Variants in DDX60L observed in about 807,000 individuals in gnomAD.
DDX60L encodes the protein DExD/H-box 60 like, also known as probable ATP-dependent RNA helicase DDX60-like.
In DDX60L, 191 loss-of-function variants were observed where a neutral mutation model predicts 211.6. The observed-to-expected ratio is 0.90, with a 90% CI of 0.80 to 1.02. The LOEUF is 1.02. Among genes scored for constraint, DDX60L ranks in the 50% least tolerant of loss-of-function variants. DDX60L has a pLI of 0.00. For missense variants in DDX60L, 2,007 were observed against 1,984.1 expected (o/e 1.01, Z -0.22); for synonymous variants, 706 against 694.1 (o/e 1.02, Z -0.27).
chr4:168,448,520 T>C (rs139529714), intron 9 of DDX60L, 118 bp downstream of exon 9: 7,526 of 682,376 alleles, frequency 0.011, 58 homozygotes, highest in Non-Finnish European at 0.015. Flanking sequence ...GTAAAAAGTA[T>C]GTACACACAC....
intron 4 of DDX60L, among the ~76,000 whole-genome samples, chr4:168,462,860 T>TA (rs1265267540): frequency 7.3e-5 from 11 of 151,694 alleles, no homozygotes; most frequent in Non-Finnish European, 1.3e-4. Context: ...AGTAAGCATA[T>TA]AAAAAAAGCT....
chr4:168,380,319 T>A (rs559285115), intron 30 of DDX60L: 1 of 152,830 alleles, frequency 6.5e-6, no homozygotes, highest in East Asian at 1.9e-4. Flanking sequence ...GTGTTGGAGG[T>A]GGGGCCTGAT....
At chr4:168,471,508 G>A (rs1025934811) in intron 4 of DDX60L, 2 of 338,106 alleles carry the variant, frequency 5.9e-6, no homozygotes, top group Non-Finnish European at 1.0e-5. Flanking sequence ...CAGGCTCTGT[G>A]CCTGATCTAT....
At position 168,409,735 on chromosome 4, in the gene DDX60L, T is replaced by G. The variant is rs114391270; in HGVS notation, c.2980-3029A>C. On this transcript the variant is annotated intron_variant, in intron 22 of 37. Coordinates refer to ENST00000682922, the MANE Select transcript of DDX60L (RefSeq NM_001012967.3). ...AAGTAATTTCCATTTAATTCCTTACTCGTGCATTCGATCCACAAATTATTT... is the reference window on the plus strand; with the variant it reads ...AAGTAATTTCCATTTAATTCCTTACGCGTGCATTCGATCCACAAATTATTT... 8.9e-3 allele frequency among the ~76,000 whole-genome samples: 1,358 copies of G among 152,326 alleles called. 16 individuals carry two copies. Among genetic ancestry groups the G allele is most frequent in the African/African-American group, 0.031 (1,296 of 41,564 alleles).
Position 168,369,728 on chromosome 4 carries a change from CA to C in DDX60L, c.4928+1883del, listed in dbSNP as rs541660241. ...CCAGAATACATAAGAAACATAACAG[CA>C]AAAAAAATCTATTTAAAAATGGGCA... On this transcript the variant is annotated intron_variant, in intron 36 of 37. Transcript: ENST00000682922. 5.5e-3 allele frequency among the ~76,000 whole-genome samples: 839 copies of C among 151,578 alleles called. 3 individuals are homozygous for C. Among genetic ancestry groups the C allele is most frequent in the African/African-American group, 0.019 (798 of 41,386 alleles).
intron 16 of DDX60L, among the ~76,000 whole-genome samples, chr4:168,422,304 A>G (rs1170942208): frequency 1.3e-5 from 2 of 152,218 alleles, no homozygotes; most frequent in Admixed American, 6.5e-5. Context: ...TCACATACAA[A>G]CAGGTATCAG....
At chr4:168,463,845 T>C (rs1757636515) in intron 4 of DDX60L, among the ~76,000 whole-genome samples, 2 of 152,230 alleles carry the variant, frequency 1.3e-5, no homozygotes, top group African/African-American at 4.8e-5. Context: ...TATACTTTTG[T>C]ATTTGGGTTG....
intron 22 of DDX60L, among the ~76,000 whole-genome samples, chr4:168,408,529 T>C (rs1407982977): frequency 6.6e-6 from 1 of 152,108 alleles, no homozygotes; most frequent in Non-Finnish European, 1.5e-5. Context: ...AGAAAGACAA[T>C]ATATAAAAGA....
At chr4:168,461,328 G>A (rs994212357) in intron 5 of DDX60L, among the ~76,000 whole-genome samples, 2 of 152,152 alleles carry the variant, frequency 1.3e-5, no homozygotes, top group African/African-American at 2.4e-5. Flanking sequence ...GACAGCAACT[G>A]GGGATAAAGT....
Position 168,471,771 on chromosome 4 carries a change from T to A in DDX60L, c.240A>T (p.Gly80=). The change falls in exon 4 of 38, where the codon GGA becomes GGT. Residue 80 remains glycine, a synonymous_variant. Coordinates refer to ENST00000682922, the MANE Select transcript of DDX60L (RefSeq NM_001012967.3). Reference sequence around the variant, plus strand: ...CCTTAAAGAAAACTATGGTGAATTGTCCTCCGTTACTCAGAAGATCCACAA... The same window carrying A: ...CCTTAAAGAAAACTATGGTGAATTGACCTCCGTTACTCAGAAGATCCACAA... ...CYLVDLLSNG[G]QFTIVFFKDA... 1 of 1,603,464 alleles carries A rather than the reference T, an allele frequency of 6.2e-7. No homozygotes were observed. The highest frequency in any genetic ancestry group is 8.5e-7 in the Non-Finnish European group (1 of 1,177,642).
rs761078131 is a variant in DDX60L, at chr4:168,415,500, A to C, written c.2887T>G (p.Tyr963Asp). 1 of 1,592,508 alleles carries C rather than the reference A, an allele frequency of 6.3e-7. No homozygotes were observed. The highest frequency in any genetic ancestry group is 8.6e-7 in the Non-Finnish European group (1 of 1,163,730). ...EVRLVLCGERYNDLEKHICSV... is the reference protein window; with the variant it reads ...EVRLVLCGERDNDLEKHICSV... ...CATATATGCTTCTCTAAATCATTGT[A>C]TCTCTCTCCACAGAGCACTAGATAC... Residue 963 changes from tyrosine to aspartate, a missense_variant, in exon 22 of 38, where the codon TAC becomes GAC. Coordinates refer to ENST00000682922, the MANE Select transcript of DDX60L (RefSeq NM_001012967.3).
At chr4:168,406,434 A>C (rs528908982) in intron 23 of DDX60L, among the ~76,000 whole-genome samples, 168 bp downstream of exon 23, 1 of 152,244 alleles carries the variant, frequency 6.6e-6, no homozygotes, top group Non-Finnish European at 1.5e-5. Context: ...GTACAATAAT[A>C]AAGTCACAAA....
chr4:168,365,929 CT>C (rs1348776404), intron 36 of DDX60L, among the ~76,000 whole-genome samples: 3 of 152,018 alleles, frequency 2.0e-5, no homozygotes, highest in Admixed American at 6.5e-5. Flanking sequence ...ACCATATGAT[CT>C]TTTGATAGAT....
intron 10 of DDX60L, among the ~76,000 whole-genome samples, chr4:168,438,405 G>C (rs542951676): frequency 4.6e-5 from 7 of 152,202 alleles, no homozygotes; most frequent in African/African-American, 1.4e-4. Flanking sequence ...TCTTGGGATT[G>C]TGTTTTCCCC....
intron 17 of DDX60L, among the ~76,000 whole-genome samples, chr4:168,420,589 C>T (rs1000721568): frequency 2.1e-5 from 3 of 143,600 alleles, no homozygotes; most frequent in African/African-American, 8.0e-5. Flanking sequence ...TTTGATCCTC[C>T]TTGATTTTAA....
chr4:168,431,580 A>C (rs1752356636), intron 12 of DDX60L, among the ~76,000 whole-genome samples: 1 of 150,736 alleles, frequency 6.6e-6, no homozygotes, highest in Non-Finnish European at 1.5e-5. Flanking sequence ...GAGGGATAGC[A>C]TTAAGAGATA....
intron 4 of DDX60L, among the ~76,000 whole-genome samples, chr4:168,464,573 T>C (rs1399166922): frequency 6.6e-6 from 1 of 151,920 alleles, no homozygotes; most frequent in Non-Finnish European, 1.5e-5. Context: ...CCACCTCACC[T>C]GGACTAATTG....
chr4:168,399,919 G>A (rs1414187318), intron 26 of DDX60L, among the ~76,000 whole-genome samples: 1 of 152,108 alleles, frequency 6.6e-6, no homozygotes, highest in Admixed American at 6.5e-5. Context: ...GTAAACTTAG[G>A]TCATGAGAGT....
chr4:168,373,571 G>T, intron 35 of DDX60L, 95 bp downstream of exon 35: 1 of 1,242,302 alleles, frequency 8.0e-7, no homozygotes, highest in Non-Finnish European at 1.1e-6. Context: ...ATTTTTCAGT[G>T]TTTTGGGTTT....
Sources: allele counts gnomAD v4.1 joint callset (sites outside exome capture counted in the v4.1 genomes callset), GRCh38; gene constraint gnomAD v4.1.1; transcripts MANE v1.5; gene names NCBI Gene and HGNC (gene_info 2026-07-23, HGNC 2026-07-21).